Variants in C12orf42 observed in about 807,000 individuals in gnomAD.
The protein encoded by C12orf42 is uncharacterized protein C12orf42.
A neutral mutation model predicts 21.6 loss-of-function variants in C12orf42; 25 were observed. The observed-to-expected ratio is 1.16, with a 90% CI of 0.84 to 1.62. The LOEUF (loss-of-function observed/expected upper bound fraction) is 1.62, where lower values mean the gene tolerates loss of function less well. Among genes scored for constraint, C12orf42 ranks in the 40% most tolerant of loss-of-function variants. The pLI is 0.00. For missense variants in C12orf42, 483 were observed against 459.3 expected (o/e 1.05, Z -0.47); for synonymous variants, 174 against 175.0 (o/e 0.99, Z 0.05).
the C12orf42 span, among the ~76,000 whole-genome samples, chr12:103,097,991 C>T: frequency 1.3e-5 from 2 of 152,158 alleles, no homozygotes; most frequent in African/African-American, 2.4e-5. Context: ...GAGCTGTCCT[C>T]GTATGACCTG....
chr12:103,313,765 C>G (rs1380110435), intron 4 of C12orf42, among the ~76,000 whole-genome samples: 3 of 152,162 alleles, frequency 2.0e-5, no homozygotes, highest in East Asian at 1.9e-4. Context: ...GGCAAGGACT[C>G]AAGTAGAAAA....
intron 2 of C12orf42, among the ~76,000 whole-genome samples, chr12:103,474,440 A>ATATGTATG (rs1953877924): frequency 1.5e-5 from 1 of 64,556 alleles, no homozygotes; most frequent in African/African-American, 4.9e-5. Flanking sequence ...ATGTATGTAT[A>ATATGTATG]CATGTATGTA....
At chr12:103,233,057 CTAAAT>C (rs2033352544), downstream of C12orf42, among the ~76,000 whole-genome samples, 2 of 152,208 alleles carry the variant, frequency 1.3e-5, no homozygotes, top group South Asian at 4.1e-4. Flanking sequence ...GAACTATACA[CTAAAT>C]TAACATTGCT....
At chr12:103,059,628 A>C in the C12orf42 span, among the ~76,000 whole-genome samples, 2 of 152,210 alleles carry the variant, frequency 1.3e-5, no homozygotes, top group Non-Finnish European at 2.9e-5. Flanking sequence ...GCTATCCACC[A>C]TGATCAAGTC....
chr12:103,141,529 C>CT, the C12orf42 span, among the ~76,000 whole-genome samples: 35,935 of 125,590 alleles, frequency 0.29, 5,061 homozygotes, highest in Middle Eastern at 0.37. Context: ...AATAATAACA[C>CT]TTTTTTTTTT....
intron 10 of C12orf42, among the ~76,000 whole-genome samples, chr12:103,243,776 A>G (rs2033874933): frequency 6.6e-6 from 1 of 152,138 alleles, no homozygotes; most frequent in Admixed American, 6.5e-5. Flanking sequence ...AAGTCAGGTC[A>G]CTTGTGTTTT....
At chr12:103,510,052 C>T in the C12orf42 span, among the ~76,000 whole-genome samples, 16 of 152,300 alleles carry the variant, frequency 1.1e-4, no homozygotes, top group East Asian at 1.3e-3. Flanking sequence ...GATATTTGCA[C>T]GTGCAGGTTT....
chr12:103,164,759 C>T, the C12orf42 span: 1 of 453,760 alleles, frequency 2.2e-6, no homozygotes, highest in Non-Finnish European at 4.4e-6. Context: ...ACACTCCAGA[C>T]AAGAGTAGGC....
downstream of C12orf42, among the ~76,000 whole-genome samples, chr12:103,301,094 C>T (rs80138820): frequency 5.8e-3 from 886 of 152,270 alleles, 11 homozygotes; most frequent in African/African-American, 0.02. Context: ...ACATTTCATT[C>T]CTCTCAAAAC....
At chr12:103,212,859 A>T in the C12orf42 span, among the ~76,000 whole-genome samples, 1 of 152,026 alleles carries the variant, frequency 6.6e-6, no homozygotes, top group Non-Finnish European at 1.5e-5. Context: ...TCCTGACTTT[A>T]ACAATAAACA....
chr12:103,192,502 C>CAAAAAAAAAAA, the C12orf42 span, among the ~76,000 whole-genome samples: 1 of 104,506 alleles, frequency 9.6e-6, no homozygotes. Context: ...GACTCCATCT[C>CAAAAAAAAAAA]AAAAAAAAAA....
At chr12:103,436,032 A>G (rs1336959128) in intron 2 of C12orf42, among the ~76,000 whole-genome samples, 2 of 152,230 alleles carry the variant, frequency 1.3e-5, no homozygotes, top group East Asian at 3.9e-4. Flanking sequence ...AGGGAAGCCC[A>G]TCAGACTAAC....
chr12:103,553,615 T>A, the C12orf42 span, among the ~76,000 whole-genome samples: 1 of 152,202 alleles, frequency 6.6e-6, no homozygotes, highest in Non-Finnish European at 1.5e-5. Context: ...CCAAAGTTCG[T>A]TAGAAATCGT....
downstream of C12orf42, among the ~76,000 whole-genome samples, chr12:103,233,519 T>C (rs2033371479): frequency 6.6e-6 from 1 of 152,208 alleles, no homozygotes; most frequent in Admixed American, 6.5e-5. Flanking sequence ...GTAGTTTTTC[T>C]CATAAAGAAT....
chr12:103,430,469 A>T (rs1264460752), intron 2 of C12orf42, among the ~76,000 whole-genome samples: 1 of 152,158 alleles, frequency 6.6e-6, no homozygotes, highest in Non-Finnish European at 1.5e-5. Context: ...AACAACAGAC[A>T]CTGGAGAGAA....
At chr12:103,065,730 T>C in the C12orf42 span, among the ~76,000 whole-genome samples, 1 of 152,224 alleles carries the variant, frequency 6.6e-6, no homozygotes, top group Non-Finnish European at 1.5e-5. Flanking sequence ...TGTCAAGATA[T>C]TCCTTCTAAG....
At chr12:103,454,501 A>G (rs537105812) in intron 2 of C12orf42, among the ~76,000 whole-genome samples, 1 of 152,212 alleles carries the variant, frequency 6.6e-6, no homozygotes, top group South Asian at 2.1e-4. Flanking sequence ...CCCTATTCCC[A>G]CCAGCCAAAA....
intron 4 of C12orf42, among the ~76,000 whole-genome samples, chr12:103,344,954 C>T (rs1035298514): frequency 6.6e-6 from 1 of 152,204 alleles, no homozygotes; most frequent in African/African-American, 2.4e-5. Flanking sequence ...TTTAACTTCA[C>T]TGGATTCAGG....
chr12:103,145,222 CT>C, the C12orf42 span, among the ~76,000 whole-genome samples: 2 of 152,166 alleles, frequency 1.3e-5, no homozygotes, highest in Non-Finnish European at 2.9e-5. Context: ...CTAATTATGG[CT>C]ACTATCTTTC....
Sources: gnomAD v4.1 joint callset for allele counts (sites outside exome capture counted in the v4.1 genomes callset) on GRCh38, gnomAD v4.1.1 for gene constraint, MANE v1.5 for transcripts, NCBI Gene and HGNC (gene_info 2026-07-23, HGNC 2026-07-21) for gene names.